SPATA9: variants seen among roughly 807,000 people sequenced by gnomAD.
SPATA9 encodes the protein spermatogenesis-associated protein 9.
In SPATA9, 27 loss-of-function variants were observed where a neutral mutation model predicts 25.5. That is an observed-to-expected ratio of 1.06 (90% CI 0.78 to 1.46). The LOEUF (loss-of-function observed/expected upper bound fraction) is 1.46. Ranked by LOEUF, SPATA9 falls within the 40% of genes most tolerant of loss-of-function variation. The pLI is 0.00. For missense variants in SPATA9, 282 were observed against 297.5 expected (o/e 0.95, Z 0.38); for synonymous variants, 102 against 105.7 (o/e 0.97, Z 0.21).
At chr5:95,675,299 A>G in intron 3 of SPATA9, 113 bp downstream of exon 3, 3 of 830,946 alleles carry the variant, frequency 3.6e-6, no homozygotes, top group Admixed American at 3.0e-5. Flanking sequence ...CTCTTATCCA[A>G]GTATATCTGT....
chr5:95,702,402 T>C (rs939772857), upstream of SPATA9, among the ~76,000 whole-genome samples: 1 of 152,150 alleles, frequency 6.6e-6, no homozygotes, highest in Non-Finnish European at 1.5e-5. Context: ...GGCACAACTC[T>C]GGGAGAGAGG....
chr5:95,725,717 C>G, the SPATA9 span, among the ~76,000 whole-genome samples: 1 of 152,126 alleles, frequency 6.6e-6, no homozygotes, highest in African/African-American at 2.4e-5. Flanking sequence ...ATTCTGCCTC[C>G]AACTTCTTTG....
the SPATA9 span, among the ~76,000 whole-genome samples, chr5:95,730,157 T>C: frequency 6.6e-6 from 1 of 152,006 alleles, no homozygotes; most frequent in Non-Finnish European, 1.5e-5. Flanking sequence ...ACTATTAAAC[T>C]ACTTTCAACC....
chr5:95,689,845 T>G (rs1753838758), intron 1 of SPATA9, among the ~76,000 whole-genome samples: 1 of 152,150 alleles, frequency 6.6e-6, no homozygotes, highest in South Asian at 2.1e-4. Context: ...CATGGAATAC[T>G]ATGCAGCCAT....
At chr5:95,725,009 TA>T in the SPATA9 span, among the ~76,000 whole-genome samples, 1,271 of 144,678 alleles carry the variant, frequency 8.8e-3, 36 homozygotes, top group East Asian at 0.082. Context: ...CCCCATGTCT[TA>T]AAAAAAAAAA....
chr5:95,713,915 C>CAT, the SPATA9 span, among the ~76,000 whole-genome samples: 5 of 151,252 alleles, frequency 3.3e-5, no homozygotes, highest in South Asian at 4.2e-4. Context: ...TACACATGTG[C>CAT]ATATATATAT....
chr5:95,663,006 A>G (rs937376495), intron 4 of SPATA9, among the ~76,000 whole-genome samples: 3 of 152,228 alleles, frequency 2.0e-5, no homozygotes, highest in Admixed American at 6.5e-5. Flanking sequence ...CTCTTTGGCA[A>G]TATCTACTAG....
chr5:95,728,719 GA>G, the SPATA9 span, among the ~76,000 whole-genome samples: 3 of 152,204 alleles, frequency 2.0e-5, no homozygotes, highest in African/African-American at 4.8e-5. Flanking sequence ...CACTAAGGCT[GA>G]AACCTACTGG....
the SPATA9 span, chr5:95,717,444 C>T: frequency 6.6e-6 from 1 of 152,088 alleles, no homozygotes; most frequent in Non-Finnish European, 1.5e-5. Flanking sequence ...TATCTATTTA[C>T]ATTATATACA....
At chr5:95,658,988 A>G (rs1011276037) in intron 4 of SPATA9, 75 bp from the exon 5 acceptor site, 1 of 1,502,604 alleles carries the variant, frequency 6.7e-7, no homozygotes, top group Non-Finnish European at 8.9e-7. Context: ...CATACAATAT[A>G]GTGTTCCACA....
intron 1 of SPATA9, among the ~76,000 whole-genome samples, chr5:95,692,929 C>T (rs1011648822): frequency 5.9e-5 from 9 of 152,082 alleles, no homozygotes; most frequent in African/African-American, 1.7e-4. Flanking sequence ...TGCAAGAATA[C>T]GATACATTGA....
downstream of SPATA9, among the ~76,000 whole-genome samples, chr5:95,653,495 AC>A (rs1176104369): frequency 6.6e-6 from 1 of 152,246 alleles, no homozygotes; most frequent in Non-Finnish European, 1.5e-5. Flanking sequence ...TTCCTTCTTG[AC>A]CTTGAAATGA....
intron 3 of SPATA9, among the ~76,000 whole-genome samples, chr5:95,673,202 G>GT (rs1752576626): frequency 6.6e-6 from 1 of 152,138 alleles, no homozygotes; most frequent in Non-Finnish European, 1.5e-5. Context: ...CTGATTTCAA[G>GT]GTTCCTCTCT....
upstream of SPATA9, chr5:95,684,718 T>G (rs1034122431): frequency 6.6e-6 from 1 of 152,242 alleles, no homozygotes; most frequent in African/African-American, 2.4e-5. Context: ...TATCTTCTTA[T>G]GCCAATAATC....
intron 4 of SPATA9, among the ~76,000 whole-genome samples, chr5:95,659,914 T>C (rs538700259): frequency 2.6e-4 from 40 of 152,300 alleles, no homozygotes; most frequent in Non-Finnish European, 4.4e-4. Context: ...TCCTCCTATA[T>C]AGACTGTCTT....
At chr5:95,673,744 CT>C (rs1380332788) in intron 3 of SPATA9, among the ~76,000 whole-genome samples, 2 of 148,230 alleles carry the variant, frequency 1.3e-5, no homozygotes, top group East Asian at 2.0e-4. Context: ...TTTTCTTTTT[CT>C]TTTTTTCTTT....
At chr5:95,693,500 T>C (rs1392570147) in intron 1 of SPATA9, among the ~76,000 whole-genome samples, 1 of 152,250 alleles carries the variant, frequency 6.6e-6, no homozygotes, top group Non-Finnish European at 1.5e-5. Context: ...ATTTTATTTA[T>C]ATGAAGCTCA....
the SPATA9 span, among the ~76,000 whole-genome samples, chr5:95,723,832 A>G: frequency 6.6e-6 from 1 of 152,160 alleles, no homozygotes; most frequent in East Asian, 1.9e-4. Flanking sequence ...CCTCCAGAGC[A>G]CAGCCCAAAG....
At chr5:95,731,784 G>T in the SPATA9 span, 22 of 1,602,742 alleles carry the variant, frequency 1.4e-5, no homozygotes, top group Non-Finnish European at 1.5e-5. Context: ...GCTGTCCCCC[G>T]CACTTCCTGT....
Sources: allele counts gnomAD v4.1 joint callset (sites outside exome capture counted in the v4.1 genomes callset), GRCh38; gene constraint gnomAD v4.1.1; transcripts MANE v1.5; gene names NCBI Gene and HGNC (gene_info 2026-07-23, HGNC 2026-07-21).